Variants in VWC2L observed in about 807,000 individuals in gnomAD.
The protein encoded by VWC2L is von Willebrand factor C domain-containing protein 2-like.
A neutral mutation model predicts 21.6 loss-of-function variants in VWC2L; 10 were observed. The ratio of observed to expected loss-of-function variants is 0.46; its 90% CI spans 0.29 to 0.78. The LOEUF (loss-of-function observed/expected upper bound fraction) is 0.78. Ranked by LOEUF, VWC2L falls within the 30% of genes least tolerant of loss-of-function variation. VWC2L has a pLI of 0.10. For missense variants in VWC2L, 209 were observed against 277.1 expected, an observed-to-expected ratio of 0.75 and a Z score of 1.74; for synonymous variants, 96 against 94.3, an observed-to-expected ratio of 1.02 and a Z score of -0.10.
intron 3 of VWC2L, among the ~76,000 whole-genome samples, chr2:214,542,266 C>T (rs559524174): frequency 1.3e-5 from 2 of 152,304 alleles, no homozygotes; most frequent in South Asian, 4.1e-4. Context: ...TCTCAGACAG[C>T]TTGGAAGATG....
chr2:214,520,260 G>T (rs1193907767), intron 3 of VWC2L, among the ~76,000 whole-genome samples: 1 of 152,064 alleles, frequency 6.6e-6, no homozygotes, highest in African/African-American at 2.4e-5. Context: ...TTAGAATCCT[G>T]GGGGTTTGCA....
intron 3 of VWC2L, among the ~76,000 whole-genome samples, chr2:214,494,532 T>C (rs1688786142): frequency 6.6e-6 from 1 of 152,168 alleles, no homozygotes; most frequent in African/African-American, 2.4e-5. Context: ...CAAGTCAGCC[T>C]TCTTTAACCT....
chr2:214,497,256 T>C (rs1473896128), intron 3 of VWC2L, among the ~76,000 whole-genome samples: 2 of 152,210 alleles, frequency 1.3e-5, no homozygotes, highest in African/African-American at 2.4e-5. Flanking sequence ...CTACATATTG[T>C]TCTGTGATAG....
chr2:214,544,482 AC>A (rs1167563777), intron 3 of VWC2L, among the ~76,000 whole-genome samples: 14 of 152,060 alleles, frequency 9.2e-5, no homozygotes, highest in Non-Finnish European at 1.8e-4. Flanking sequence ...TCAGGAACAT[AC>A]CCCGTACTCC....
intron 3 of VWC2L, among the ~76,000 whole-genome samples, chr2:214,515,630 T>G (rs1344656344): frequency 6.6e-6 from 1 of 152,232 alleles, no homozygotes. Context: ...CTTGGCTCAC[T>G]GCAACCCCCG....
intron 2 of VWC2L, among the ~76,000 whole-genome samples, chr2:214,418,685 A>C (rs1273539368): frequency 6.6e-6 from 1 of 152,174 alleles, no homozygotes; most frequent in Non-Finnish European, 1.5e-5. Context: ...ATACCAGGTC[A>C]AATTGTAATC....
In VWC2L at chr2:214,577,903, C is replaced by T. The variant is rs1690258526; in HGVS notation, c.*2083C>T. ...CGAGGAAGAGCATCAAGCCACCTTC[C>T]CTTAGAACACCAATTTGCAGCAAGG... On this transcript the variant is annotated 3_prime_UTR_variant, in exon 4 of 4. Coordinates refer to ENST00000312504, the MANE Select transcript of VWC2L (RefSeq NM_001080500.4). 6.6e-6 allele frequency: 1 copy of T among 152,136 alleles called. No individual in the cohort carries two copies. Among genetic ancestry groups the T allele is most frequent in the Admixed American group, 6.6e-5 (1 of 15,260 alleles). The allele number at this position is 152,136 out of a possible 1,614,324, so 9.4% of individuals were successfully genotyped here. A position where few individuals can be genotyped will look rare whatever the true frequency, so the allele number is the denominator to read the frequency against.
intron 3 of VWC2L, among the ~76,000 whole-genome samples, chr2:214,496,402 C>T (rs1449249150): frequency 6.6e-6 from 1 of 152,132 alleles, no homozygotes; most frequent in Non-Finnish European, 1.5e-5. Flanking sequence ...TAGGCATCCT[C>T]TTCTGGACCT....
rs181333456 is a variant in VWC2L at position 214,548,354 on chromosome 2, A to G, written c.521-27318A>G. Among the ~76,000 whole-genome samples, 378 of 152,322 alleles carry G rather than the reference A, an allele frequency of 2.5e-3. 2 individuals are homozygous for G. Among genetic ancestry groups the G allele is most frequent in the African/African-American group, 8.3e-3 (344 of 41,574 alleles). ...AGTATTCTCTAGGATCTGCGTGGGC[A>G]TTTAAAAAAAATGCATGTTGGCAGA... is the stretch of plus-strand genomic sequence containing the variant. On this transcript the variant is annotated intron_variant, in intron 3 of 3. Transcript: ENST00000312504.
chr2:214,560,605 TTA>T (rs746083296), intron 3 of VWC2L, among the ~76,000 whole-genome samples: 8 of 152,240 alleles, frequency 5.3e-5, no homozygotes, highest in Non-Finnish European at 1.2e-4. Context: ...TGCTTAAATT[TTA>T]TGTTTTATAT....
intron 3 of VWC2L, among the ~76,000 whole-genome samples, chr2:214,539,543 C>G (rs758558345): frequency 2.1e-4 from 32 of 152,132 alleles, no homozygotes; most frequent in Non-Finnish European, 4.0e-4. Flanking sequence ...AACTGAGAAG[C>G]TAAAATTTCC....
intron 3 of VWC2L, among the ~76,000 whole-genome samples, chr2:214,450,933 T>A (rs1341595075): frequency 1.3e-5 from 2 of 152,122 alleles, no homozygotes; most frequent in African/African-American, 2.4e-5. Context: ...AAAGGGGAAA[T>A]AATTATAATT....
At chr2:214,488,542 G>A (rs1189630315) in intron 3 of VWC2L, among the ~76,000 whole-genome samples, 2 of 152,166 alleles carry the variant, frequency 1.3e-5, no homozygotes, top group Non-Finnish European at 2.9e-5. Context: ...AAGGCTGCAT[G>A]AGCCGTGTTC....
chr2:214,491,971 G>A (rs979196523), intron 3 of VWC2L, among the ~76,000 whole-genome samples: 10 of 152,188 alleles, frequency 6.6e-5, no homozygotes, highest in African/African-American at 2.4e-4. Context: ...TGTGGTAAAT[G>A]TTAAGGAGAG....
intron 2 of VWC2L, among the ~76,000 whole-genome samples, chr2:214,424,389 T>A (rs1157247127): frequency 6.6e-6 from 1 of 152,108 alleles, no homozygotes; most frequent in African/African-American, 2.4e-5. Context: ...TGTTTGAGAG[T>A]TAGTACGTAT....
rs558935065 is a variant in VWC2L, at chr2:214,542,659, G to A, written c.521-33013G>A. 3.3e-5 allele frequency among the ~76,000 whole-genome samples: 5 copies of A among 152,278 alleles called. No homozygotes were observed. In the East Asian group the frequency reaches 9.7e-4, roughly 29 times the overall value. ...TTGCTGCAGGCAGCGGTCAAAACAA[G>A]CTCCCTGCATCTTATTATCCCACTA... On this transcript the variant is annotated intron_variant, in intron 3 of 3. Transcript: ENST00000312504.
At chr2:214,464,130 A>T (rs1336993565) in intron 3 of VWC2L, among the ~76,000 whole-genome samples, 1 of 152,054 alleles carries the variant, frequency 6.6e-6, no homozygotes, top group Admixed American at 6.5e-5. Context: ...ACATATCTTT[A>T]TCACTCTGAG....
At chr2:214,524,362 C>T (rs1021718199) in intron 3 of VWC2L, among the ~76,000 whole-genome samples, 3 of 152,060 alleles carry the variant, frequency 2.0e-5, no homozygotes, top group Non-Finnish European at 4.4e-5. Context: ...GGTCTGTTTC[C>T]GGTCATTCTT....
chr2:214,545,242 T>C (rs1454555027), intron 3 of VWC2L, among the ~76,000 whole-genome samples: 1 of 152,106 alleles, frequency 6.6e-6, no homozygotes, highest in Non-Finnish European at 1.5e-5. Context: ...ATCTACAAGG[T>C]ACTTTAGGAG....
Sources: allele counts gnomAD v4.1 joint callset (sites outside exome capture counted in the v4.1 genomes callset), GRCh38; gene constraint gnomAD v4.1.1; transcripts MANE v1.5; gene names NCBI Gene and HGNC (gene_info 2026-07-23, HGNC 2026-07-21).